Variants in CD2AP observed in about 807,000 individuals in gnomAD.
The protein encoded by CD2AP is CD2-associated protein.
Under a neutral mutation model 85.1 loss-of-function variants are expected in CD2AP, and 46 were observed. The ratio of observed to expected loss-of-function variants is 0.54; its 90% CI spans 0.43 to 0.69. The LOEUF (loss-of-function observed/expected upper bound fraction) is 0.69, where lower values mean the gene tolerates loss of function less well. Ranked by LOEUF, CD2AP falls within the 30% of genes least tolerant of loss-of-function variation. CD2AP has a pLI of 0.00. For synonymous variants in CD2AP, 255 were observed against 252.9 expected, an observed-to-expected ratio of 1.01 and a Z score of -0.08; for missense variants, 769 against 729.5, an observed-to-expected ratio of 1.05 and a Z score of -0.62.
intron 2 of CD2AP, among the ~76,000 whole-genome samples, chr6:47,512,590 G>T (rs1192479239): frequency 1.3e-5 from 2 of 152,164 alleles, no homozygotes; most frequent in African/African-American, 4.8e-5. Context: ...CCATTTCATT[G>T]TCCCTTTGCA....
intron 2 of CD2AP, among the ~76,000 whole-genome samples, chr6:47,522,479 G>C (rs1374538632): frequency 1.3e-5 from 2 of 152,196 alleles, no homozygotes; most frequent in African/African-American, 4.8e-5. Flanking sequence ...TATGTTAACA[G>C]AAGGTGTCTC....
intron 5 of CD2AP, among the ~76,000 whole-genome samples, chr6:47,565,809 C>T (rs1304527807): frequency 6.6e-6 from 1 of 152,148 alleles, no homozygotes; most frequent in Non-Finnish European, 1.5e-5. Flanking sequence ...TTACCATAGC[C>T]TATATGCCAT....
At chr6:47,573,980 C>T in intron 5 of CD2AP, 84 bp from the exon 6 acceptor site, 1 of 1,130,974 alleles carries the variant, frequency 8.8e-7, no homozygotes, top group Admixed American at 1.7e-5. Flanking sequence ...TATTAGAAGG[C>T]ATATAGAATG....
chr6:47,515,619 A>G (rs1024583701), intron 2 of CD2AP, among the ~76,000 whole-genome samples: 11 of 152,184 alleles, frequency 7.2e-5, no homozygotes, highest in South Asian at 2.1e-4. Context: ...CATCTATGGT[A>G]TGTGCTAGTT....
At chr6:47,503,121 G>A (rs1766040516) in intron 1 of CD2AP, among the ~76,000 whole-genome samples, 159 bp from the exon 2 acceptor site, 1 of 152,182 alleles carries the variant, frequency 6.6e-6, no homozygotes, top group Non-Finnish European at 1.5e-5. Context: ...ATTTGCTGAT[G>A]TAGCCAAATA....
chr6:47,613,212 T>C (rs1310029456), intron 17 of CD2AP, among the ~76,000 whole-genome samples: 1 of 152,228 alleles, frequency 6.6e-6, no homozygotes, highest in Non-Finnish European at 1.5e-5. Context: ...GACTTTCTCT[T>C]ATGAATCGTG....
chr6:47,570,712 C>A (rs114149837), intron 5 of CD2AP, among the ~76,000 whole-genome samples: 1 of 152,120 alleles, frequency 6.6e-6, no homozygotes, highest in Non-Finnish European at 1.5e-5. Context: ...AATTAGTTTA[C>A]TTCTCATAGC....
intron 13 of CD2AP, among the ~76,000 whole-genome samples, 189 bp downstream of exon 13, chr6:47,599,632 T>C (rs1156639600): frequency 1.3e-5 from 2 of 152,038 alleles, no homozygotes; most frequent in Non-Finnish European, 2.9e-5. Context: ...ATTTTTATGG[T>C]CCTTACTGAT....
chr6:47,485,378 A>G (rs956895460), intron 1 of CD2AP, among the ~76,000 whole-genome samples: 18 of 152,134 alleles, frequency 1.2e-4, no homozygotes, highest in Admixed American at 3.9e-4. Context: ...GTCTTATAAG[A>G]AAAAGGATTA....
In CD2AP at chr6:47,533,227, AGT is replaced by A. The variant is rs778196015; in HGVS notation, c.166-372_166-371del. ...AGGAGTGTTGATGGTTGCAACAGAA[AGT>A]GTATGGTCTGCAAATTGTAAAATAT... is the stretch of plus-strand genomic sequence containing the variant. On this transcript the variant is annotated intron_variant, in intron 2 of 17. Transcript: ENST00000359314. 7.9e-5 allele frequency among the ~76,000 whole-genome samples: 12 copies of A among 152,310 alleles called. No homozygotes were observed. In the East Asian group the frequency reaches 1.3e-3, roughly 17 times the overall value.
chr6:47,606,536 A>G (rs1769277465), intron 14 of CD2AP, among the ~76,000 whole-genome samples: 1 of 152,076 alleles, frequency 6.6e-6, no homozygotes, highest in South Asian at 2.1e-4. Flanking sequence ...AGGGTGACAA[A>G]GAAAGAACCT....
chr6:47,610,971 A>ATATATATATATATATATATTTTT, intron 16 of CD2AP, among the ~76,000 whole-genome samples: 19 of 112,860 alleles, frequency 1.7e-4, no homozygotes, highest in African/African-American at 6.5e-4. Context: ...ATATATATGT[A>ATATATATATATATATATATTTTT]TTTTTTTTTT....
intron 11 of CD2AP, among the ~76,000 whole-genome samples, chr6:47,586,647 T>C (rs1768637946): frequency 1.3e-5 from 2 of 152,154 alleles, no homozygotes. Context: ...AGAGAACTTA[T>C]TGCCAGTAGA....
chr6:47,542,121 T>A (rs1767229302), intron 3 of CD2AP, among the ~76,000 whole-genome samples: 1 of 152,242 alleles, frequency 6.6e-6, no homozygotes, highest in African/African-American at 2.4e-5. Context: ...TTCAAACCTG[T>A]CCTTTCTAAT....
rs11331165 is a variant in CD2AP, at chr6:47,610,971, A to AT, written c.1815-1487dup. On this transcript the variant is annotated intron_variant, in intron 16 of 17. Coordinates refer to ENST00000359314, the MANE Select transcript of CD2AP (RefSeq NM_012120.3). The stretch of plus-strand genomic sequence containing the variant: ...GATTTATATATATATATATATATGT[A>AT]TTTTTTTTTTTTTTTGAATATAAAA... 8.8e-4 allele frequency among the ~76,000 whole-genome samples: 99 copies of AT among 112,844 alleles called. 1 individual carries two copies. Among genetic ancestry groups the AT allele is most frequent in the African/African-American group, 1.6e-3 (45 of 27,836 alleles). The allele number at this position is 112,844 out of a possible 152,430, so 74.0% of individuals were successfully genotyped here.
Position 47,580,903 on chromosome 6 carries a change from A to G in CD2AP, c.1045+3A>G, listed in dbSNP as rs775865477. On this transcript the variant is annotated splice_donor_region_variant and intron_variant, in intron 10 of 17. Coordinates refer to ENST00000359314, the MANE Select transcript of CD2AP (RefSeq NM_012120.3). ...ACCACCTCCTGCTAAGGCTCCAGGT[A>G]TGTAAGAAGCATATTATTCAGTTTG... 1 of 1,596,086 alleles carries G rather than the reference A, an allele frequency of 6.3e-7. No homozygotes were observed. The highest frequency in any genetic ancestry group is 2.2e-5 in the East Asian group (1 of 44,706).
At chr6:47,499,790 A>C (rs1032252745) in intron 1 of CD2AP, among the ~76,000 whole-genome samples, 22 of 152,120 alleles carry the variant, frequency 1.4e-4, no homozygotes, top group Non-Finnish European at 2.5e-4. Flanking sequence ...TCGCAGTGGC[A>C]CGACCTCGGC....
chr6:47,486,640 C>T (rs1398988644), intron 1 of CD2AP, among the ~76,000 whole-genome samples: 2 of 152,148 alleles, frequency 1.3e-5, no homozygotes, highest in African/African-American at 4.8e-5. Context: ...TAAGCCTTCT[C>T]TTGAGCTGAT....
intron 1 of CD2AP, among the ~76,000 whole-genome samples, chr6:47,486,309 C>T (rs1016343660): frequency 6.6e-6 from 1 of 152,124 alleles, no homozygotes; most frequent in Non-Finnish European, 1.5e-5. Flanking sequence ...ATGCTTCTGC[C>T]TCTCCCTCCC....
Sources: gnomAD v4.1 joint callset for allele counts (sites outside exome capture counted in the v4.1 genomes callset) on GRCh38, gnomAD v4.1.1 for gene constraint, MANE v1.5 for transcripts, NCBI Gene and HGNC (gene_info 2026-07-23, HGNC 2026-07-21) for gene names.